Variants in MAF observed in about 807,000 individuals in gnomAD.
MAF encodes transcription factor Maf.
A neutral mutation model predicts 22.0 loss-of-function variants in MAF; 10 were observed. The ratio of observed to expected loss-of-function variants is 0.45; its 90% CI spans 0.28 to 0.77. The LOEUF (loss-of-function observed/expected upper bound fraction) is 0.77, where lower values mean the gene tolerates loss of function less well. MAF is among the 30% of genes least tolerant of loss of function. MAF has a pLI of 0.12. For synonymous variants in MAF, 337 were observed against 255.8 expected (o/e 1.32, Z -3.03); for missense variants, 544 against 548.4 (o/e 0.99, Z 0.08).
the MAF span, among the ~76,000 whole-genome samples, chr16:79,358,281 G>A: frequency 7.2e-5 from 11 of 152,258 alleles, no homozygotes; most frequent in Non-Finnish European, 1.3e-4. Context: ...AGAGTTCCTC[G>A]ACCCCAGCAG....
chr16:79,214,017 A>T, the MAF span, among the ~76,000 whole-genome samples: 2 of 151,900 alleles, frequency 1.3e-5, no homozygotes, highest in African/African-American at 4.8e-5. Flanking sequence ...CACACTCCCA[A>T]CTCAAGGGGT....
chr16:79,375,576 A>C, the MAF span, among the ~76,000 whole-genome samples: 1 of 152,098 alleles, frequency 6.6e-6, no homozygotes, highest in Non-Finnish European at 1.5e-5. Context: ...GATGAAGATG[A>C]TGATGATATA....
the MAF span, among the ~76,000 whole-genome samples, chr16:79,447,061 A>G: frequency 1.1e-4 from 12 of 111,780 alleles, no homozygotes; most frequent in Non-Finnish European, 1.5e-4. Context: ...CAGTGTTATC[A>G]CTACATACAT....
chr16:79,459,764 A>G, the MAF span, among the ~76,000 whole-genome samples: 1 of 152,146 alleles, frequency 6.6e-6, no homozygotes, highest in African/African-American at 2.4e-5. Context: ...GGGTTTTGCC[A>G]TGTTGCCCAG....
At chr16:79,256,865 A>AC in the MAF span, among the ~76,000 whole-genome samples, 744 of 151,492 alleles carry the variant, frequency 4.9e-3, 4 homozygotes, top group African/African-American at 0.014. Flanking sequence ...CACGCACACA[A>AC]ACACACACAC....
At chr16:79,267,546 A>G in the MAF span, among the ~76,000 whole-genome samples, 6 of 152,160 alleles carry the variant, frequency 3.9e-5, no homozygotes, top group African/African-American at 1.4e-4. Flanking sequence ...ACACAGAGGG[A>G]TAATGGCAGA....
At chr16:79,267,924 G>C in the MAF span, among the ~76,000 whole-genome samples, 1 of 152,066 alleles carries the variant, frequency 6.6e-6, no homozygotes, top group Non-Finnish European at 1.5e-5. Flanking sequence ...GTTCTCAGGT[G>C]CCTGGGGGTG....
chr16:79,560,989 C>T, the MAF span, among the ~76,000 whole-genome samples: 4 of 152,220 alleles, frequency 2.6e-5, no homozygotes, highest in Non-Finnish European at 5.9e-5. Context: ...GGGATTTCAT[C>T]CACTCTGCTA....
At chr16:79,284,126 G>A in the MAF span, among the ~76,000 whole-genome samples, 20,701 of 152,130 alleles carry the variant, frequency 0.14, 1,482 homozygotes, top group Middle Eastern at 0.21. Flanking sequence ...GGTATTAAGT[G>A]GCGATTTAGC....
At chr16:79,209,013 G>A in the MAF span, among the ~76,000 whole-genome samples, 7 of 152,330 alleles carry the variant, frequency 4.6e-5, 1 homozygote, top group Middle Eastern at 6.8e-3. Context: ...AGAGAAGGTC[G>A]TCTTTGCTTT....
the MAF span, among the ~76,000 whole-genome samples, chr16:79,334,467 G>C: frequency 6.6e-6 from 1 of 152,152 alleles, no homozygotes; most frequent in Non-Finnish European, 1.5e-5. Context: ...ACCTTTCTGG[G>C]AGCTGGAAAT....
the MAF span, among the ~76,000 whole-genome samples, chr16:79,423,845 T>C: frequency 6.6e-6 from 1 of 152,200 alleles, no homozygotes; most frequent in Non-Finnish European, 1.5e-5. Flanking sequence ...TTGTGATTCA[T>C]ATTCAATCAA....
the MAF span, among the ~76,000 whole-genome samples, chr16:79,428,708 C>T: frequency 8.5e-5 from 13 of 152,066 alleles, no homozygotes; most frequent in Middle Eastern, 0.014. Flanking sequence ...ATTATCCAGG[C>T]ATGGTTTGTG....
the MAF span, among the ~76,000 whole-genome samples, chr16:79,243,170 A>G: frequency 6.6e-6 from 1 of 152,044 alleles, no homozygotes; most frequent in East Asian, 1.9e-4. Context: ...CAAATTAAAA[A>G]GCTAGCAGAA....
the MAF span, among the ~76,000 whole-genome samples, chr16:79,333,330 A>G: frequency 1.6e-4 from 24 of 152,160 alleles, no homozygotes; most frequent in Non-Finnish European, 7.4e-5. Context: ...GTTAATCGGA[A>G]TCCTACTCTC....
At chr16:79,423,000 G>C in the MAF span, among the ~76,000 whole-genome samples, 14 of 152,138 alleles carry the variant, frequency 9.2e-5, no homozygotes, top group Non-Finnish European at 2.9e-5. Flanking sequence ...AAGCAGGAAA[G>C]GAAACTTTGA....
the MAF span, among the ~76,000 whole-genome samples, chr16:79,374,475 C>T: frequency 1.3e-5 from 2 of 152,316 alleles, no homozygotes; most frequent in South Asian, 2.1e-4. Context: ...CTGCTACAGC[C>T]TCATTTCTTC....
the MAF span, among the ~76,000 whole-genome samples, chr16:79,416,031 T>C: frequency 6.6e-6 from 1 of 152,120 alleles, no homozygotes; most frequent in South Asian, 2.1e-4. Context: ...GTGTGTCTGG[T>C]TGCGCCCGAG....
the MAF span, among the ~76,000 whole-genome samples, chr16:79,326,117 C>T: frequency 6.6e-6 from 1 of 152,178 alleles, no homozygotes; most frequent in Non-Finnish European, 1.5e-5. Context: ...TATAGTTTTG[C>T]CCATAAAGTC....
Sources: allele counts gnomAD v4.1 joint callset (sites outside exome capture counted in the v4.1 genomes callset), GRCh38; gene constraint gnomAD v4.1.1; transcripts MANE v1.5; gene names NCBI Gene and HGNC (gene_info 2026-07-23, HGNC 2026-07-21).